Variants in HYDIN observed in about 807,000 individuals in gnomAD.
HYDIN encodes the protein HYDIN axonemal central pair apparatus protein.
In HYDIN, 132 loss-of-function variants were observed where a neutral mutation model predicts 403.9. The observed-to-expected ratio is 0.33, with a 90% CI of 0.28 to 0.38. The LOEUF (loss-of-function observed/expected upper bound fraction) is 0.38. Among genes scored for constraint, HYDIN ranks in the 10% least tolerant of loss-of-function variants. The pLI is 1.00. For missense variants in HYDIN, 2,827 were observed against 5,009.5 expected (o/e 0.56, Z 13.15); for synonymous variants, 1,202 against 1,891.7 (o/e 0.64, Z 9.46).
intron 85 of HYDIN, 63 bp from the exon 86 acceptor site, chr16:70,808,125 G>A: frequency 2.6e-6 from 4 of 1,532,050 alleles, no homozygotes. Context: ...AGGAGCTCAA[G>A]TCTACCCCAG....
In HYDIN at chr16:71,128,086, G is replaced by C. The variant is rs111754855; in HGVS notation, c.1227+1554C>G. Among the ~76,000 whole-genome samples, 1,262 of 151,792 alleles carry C rather than the reference G, an allele frequency of 8.3e-3. 18 individuals are homozygous for C. The highest frequency in any genetic ancestry group is 0.029 in the African/African-American group (1,199 of 41,354). On this transcript the variant is annotated intron_variant, in intron 9 of 85. Transcript: ENST00000393567. ...ACATCGACAATTTCATTCTCCAAAA[G>C]GCCTGTCCTGTGAGACTCAGGCCCA...
chr16:70,971,841 T>C (rs1027622101), intron 35 of HYDIN, among the ~76,000 whole-genome samples: 2 of 151,576 alleles, frequency 1.3e-5, no homozygotes, highest in Non-Finnish European at 2.9e-5. Context: ...CTTGAACATG[T>C]TATCATGCCT....
rs1460344386 is a variant in HYDIN, at chr16:71,226,955, C to T, written c.-24+3607G>A. On this transcript the variant is annotated intron_variant, in intron 1 of 85. Coordinates refer to ENST00000393567, the MANE Select transcript of HYDIN (RefSeq NM_001270974.2). ...CCACAGCTGCAGCACCCAAATAAAG[C>T]CTTCTTCCCTGGCAGTACTCTTTGT... Among the ~76,000 whole-genome samples the T allele has an allele frequency of 2.0e-5, 3 of 152,248 alleles. No individual in the cohort carries two copies. In the East Asian group the frequency reaches 5.8e-4, roughly 29 times the overall value.
At chr16:70,836,079 T>G (rs2037403993) in intron 77 of HYDIN, among the ~76,000 whole-genome samples, 1 of 152,024 alleles carries the variant, frequency 6.6e-6, no homozygotes. Context: ...CAGGGCACCT[T>G]GAGAGCATAT....
Position 70,862,148 on chromosome 16 carries a change from C to T in HYDIN, c.11677G>A (p.Glu3893Lys). 6.2e-7 allele frequency: 1 copy of T among 1,612,216 alleles called. No homozygotes were observed. Among genetic ancestry groups the T allele is most frequent in the South Asian group, 1.1e-5 (1 of 90,494 alleles). ...ACCGGCACGATTCCCGAAGAGGGCT[C>T]CACAGAGAAGGGCTGTGGGGAACCC... is the stretch of plus-strand genomic sequence containing the variant. ...AEGSPQPFSV[E>K]PSSGIVPVGK... Residue 3893 changes from glutamate (E) to lysine (K), a missense_variant, in exon 69 of 86, where the codon GAG becomes AAG. Transcript: ENST00000393567.
At chr16:71,073,789 T>C (rs943070083) in intron 13 of HYDIN, among the ~76,000 whole-genome samples, 1 of 152,176 alleles carries the variant, frequency 6.6e-6, no homozygotes, top group Non-Finnish European at 1.5e-5. Context: ...CAAGGATTCA[T>C]CTATGCCTCA....
At chr16:70,985,633 G>C (rs2144030663) in intron 27 of HYDIN, among the ~76,000 whole-genome samples, 1 of 149,992 alleles carries the variant, frequency 6.7e-6, no homozygotes, top group East Asian at 2.0e-4. Flanking sequence ...ACATTAAAAA[G>C]ATTTGCCTAG....
At chr16:70,987,148 AG>A (rs1228074088) in intron 27 of HYDIN, among the ~76,000 whole-genome samples, 4 of 141,404 alleles carry the variant, frequency 2.8e-5, no homozygotes, top group African/African-American at 1.0e-4. Flanking sequence ...CTTATAGATG[AG>A]GGACACTGAG....
At chr16:71,100,229 G>C (rs1387985885) in intron 10 of HYDIN, among the ~76,000 whole-genome samples, 1 of 152,060 alleles carries the variant, frequency 6.6e-6, no homozygotes, top group Non-Finnish European at 1.5e-5. Flanking sequence ...ACATTAACAA[G>C]GATTTAAATA....
At chr16:70,832,756 G>C (rs2037098277) in intron 80 of HYDIN, 92 bp downstream of exon 80, 4 of 943,316 alleles carry the variant, frequency 4.2e-6, no homozygotes, top group Admixed American at 2.1e-5. Context: ...GTGGAGGGAG[G>C]GGGCAGGCCT....
chr16:71,063,776 T>C (rs922021895), intron 16 of HYDIN, among the ~76,000 whole-genome samples: 7 of 152,082 alleles, frequency 4.6e-5, no homozygotes, highest in Non-Finnish European at 7.4e-5. Context: ...TAAACACACA[T>C]ATGATTGGAT....
intron 62 of HYDIN, among the ~76,000 whole-genome samples, chr16:70,878,486 A>G (rs2040581915): frequency 7.6e-6 from 1 of 131,910 alleles, no homozygotes; most frequent in African/African-American, 3.2e-5. Flanking sequence ...CAAGAACAAT[A>G]GTGGCAATGT....
At chr16:70,938,404 G>A (rs114410475) in intron 44 of HYDIN, among the ~76,000 whole-genome samples, 8,284 of 152,160 alleles carry the variant, frequency 0.054, 716 homozygotes, top group African/African-American at 0.19. Context: ...GAGAAATAAG[G>A]AGAGTGGGAG....
chr16:71,009,658 T>C (rs2080010925), intron 23 of HYDIN, among the ~76,000 whole-genome samples: 1 of 150,926 alleles, frequency 6.6e-6, no homozygotes, highest in Non-Finnish European at 1.5e-5. Flanking sequence ...GGGGTGATTA[T>C]CCTGGAGTAT....
chr16:71,124,492 C>T lies in HYDIN; in HGVS notation c.1227+5148G>A, dbSNP rs1485087861. Among the ~76,000 whole-genome samples, 4 of 151,562 alleles carry T rather than the reference C, an allele frequency of 2.6e-5. No homozygotes were observed. The East Asian group carries it at 6.0e-4, about 23-fold the overall frequency. On this transcript the variant is annotated intron_variant, in intron 9 of 85. Transcript: ENST00000393567. ...ATTGAAAGAGCCTCTGAAACAGGAA[C>T]AATGCTTCCATAAAATACTTGATAT... is the stretch of plus-strand genomic sequence containing the variant.
chr16:70,926,467 G>C lies in HYDIN; in HGVS notation c.7159-5250C>G, dbSNP rs545289258. On this transcript the variant is annotated intron_variant, in intron 45 of 85. Coordinates refer to ENST00000393567, the MANE Select transcript of HYDIN (RefSeq NM_001270974.2). ...CACACTCTGGGGACTGTTGTGGGGT[G>C]GGGGGAGAGGGGAGGGATAGCATTA... is the stretch of plus-strand genomic sequence containing the variant. 9.2e-3 allele frequency among the ~76,000 whole-genome samples: 1,393 copies of C among 151,998 alleles called. 27 individuals carry two copies. The highest frequency in any genetic ancestry group is 0.033 in the African/African-American group (1,348 of 41,442).
chr16:71,112,582 G>A (rs1196745038), intron 10 of HYDIN, among the ~76,000 whole-genome samples: 1 of 152,068 alleles, frequency 6.6e-6, no homozygotes, highest in Non-Finnish European at 1.5e-5. Flanking sequence ...CTGATAAATT[G>A]GTAAAGAAAG....
At chr16:70,916,053 C>T (rs1044858374) in intron 47 of HYDIN, among the ~76,000 whole-genome samples, 3 of 152,198 alleles carry the variant, frequency 2.0e-5, no homozygotes, top group African/African-American at 7.2e-5. Context: ...TGAGAACTTG[C>T]CCCAGGCTAC....
chr16:71,192,668 T>A (rs778674790), intron 1 of HYDIN, among the ~76,000 whole-genome samples: 26 of 152,184 alleles, frequency 1.7e-4, no homozygotes, highest in South Asian at 4.1e-4. Context: ...CTCCCAAGGC[T>A]GCCCCTTCCT....
Sources: gnomAD v4.1 joint callset for allele counts (sites outside exome capture counted in the v4.1 genomes callset) on GRCh38, gnomAD v4.1.1 for gene constraint, MANE v1.5 for transcripts, NCBI Gene and HGNC (gene_info 2026-07-23, HGNC 2026-07-21) for gene names.